Variants in UBR2 observed in about 807,000 individuals in gnomAD.
UBR2 encodes E3 ubiquitin-protein ligase UBR2.
In UBR2, 92 loss-of-function variants were observed where a neutral mutation model predicts 247.9. The observed-to-expected ratio is 0.37, with a 90% CI of 0.31 to 0.44. UBR2 has a LOEUF of 0.44. Among genes scored for constraint, UBR2 ranks in the 20% least tolerant of loss-of-function variants. The probability of loss-of-function intolerance (pLI) is 1.00; values close to 1 mark genes in which losing one functional copy is unlikely to be tolerated. For synonymous variants in UBR2, 672 were observed against 693.5 expected, an observed-to-expected ratio of 0.97 and a Z score of 0.49; for missense variants, 1,613 against 2,112.6, an observed-to-expected ratio of 0.76 and a Z score of 4.64.
intron 2 of UBR2, among the ~76,000 whole-genome samples, chr6:42,576,204 T>G (rs1310124779): frequency 6.6e-6 from 1 of 152,182 alleles, no homozygotes; most frequent in Non-Finnish European, 1.5e-5. Context: ...GTTATAACTC[T>G]CAGGCTGTCT....
chr6:42,647,651 T>G (rs899289128), intron 21 of UBR2, among the ~76,000 whole-genome samples: 2 of 152,068 alleles, frequency 1.3e-5, no homozygotes, highest in Non-Finnish European at 2.9e-5. Context: ...TTTAAAGAAT[T>G]ATTTATTCAC....
chr6:42,636,374 T>A (rs1282884644), intron 14 of UBR2, among the ~76,000 whole-genome samples: 1 of 152,054 alleles, frequency 6.6e-6, no homozygotes, highest in Non-Finnish European at 1.5e-5. Context: ...AGACAGGGCT[T>A]CGCCGTGTTA....
At chr6:42,642,374 C>A (rs1713197468) in intron 17 of UBR2, 42 bp from the exon 18 acceptor site, 6 of 1,381,066 alleles carry the variant, frequency 4.3e-6, no homozygotes, top group Non-Finnish European at 6.0e-6. Flanking sequence ...GAGCCTGAGC[C>A]AATAAAAACT....
At chr6:42,619,966 A>T in intron 11 of UBR2, 3 of 913,530 alleles carry the variant, frequency 3.3e-6, no homozygotes, top group Non-Finnish European at 3.9e-6. Flanking sequence ...TGCTGTAGTA[A>T]ACTTTTTATA....
intron 1 of UBR2, among the ~76,000 whole-genome samples, chr6:42,568,496 A>G (rs1356883979): frequency 6.6e-6 from 1 of 152,150 alleles, no homozygotes; most frequent in Non-Finnish European, 1.5e-5. Context: ...TTGGGAGGCC[A>G]AGGCAGGTAG....
chr6:42,605,828 C>T lies in UBR2; in HGVS notation c.770C>T (p.Ala257Val). 6.2e-7 allele frequency: 1 copy of T among 1,611,712 alleles called. No individual in the cohort carries two copies. Among genetic ancestry groups the T allele is most frequent in the Non-Finnish European group, 8.5e-7 (1 of 1,179,184 alleles). The change falls in exon 6 of 47, where the codon GCT (alanine) becomes GTT (valine). Residue 257 changes from alanine to valine, a missense_variant. Physicochemically the swap from Ala to Val is moderately conservative, Grantham distance 64. Around this residue, in one of 3 missense-constraint regions of UBR2, gnomAD observed 1,524 missense variants for 1,967.3 expected, o/e 0.77. Coordinates refer to ENST00000372901, the MANE Select transcript of UBR2 (RefSeq NM_001363705.2). ...QKAVNCTQKE[A>V]IGFATTVDRD... The stretch of plus-strand genomic sequence containing the variant: ...GCTGTTAACTGTACACAAAAAGAAG[C>T]TATTGGTTTTGCAACTACAGTAGAT...
At position 42,659,106 on chromosome 6, in the gene UBR2, T is replaced by C. The variant is rs1021427938; in HGVS notation, c.3242+282T>C. Reference sequence around the variant, plus strand: ...TCAGTTACCTAGAGCGTATGACATCTGTGTTGAAGATTAGATTACTGTGAG... The same window carrying C: ...TCAGTTACCTAGAGCGTATGACATCCGTGTTGAAGATTAGATTACTGTGAG... On this transcript the variant is annotated intron_variant, in intron 29 of 46. Transcript: ENST00000372901. This position sits in a 1 kb window ranked among gnomAD's most constrained non-coding sequence, Gnocchi z 4.3. Among the ~76,000 whole-genome samples the C allele has an allele frequency of 2.6e-5, 4 of 152,176 alleles. No homozygotes were observed. The highest frequency in any genetic ancestry group is 2.6e-4 in the Admixed American group (4 of 15,268).
At chr6:42,633,128 A>G (rs1269100661) in intron 13 of UBR2, among the ~76,000 whole-genome samples, 4 of 151,264 alleles carry the variant, frequency 2.6e-5, no homozygotes, top group Admixed American at 2.0e-4. Flanking sequence ...GTTGCCTGGG[A>G]CTAGAGGCGC....
Position 42,658,009 on chromosome 6 carries a change from A to G in UBR2, c.2873-15A>G, listed in dbSNP as rs1416237135. 1 of 1,591,538 alleles carries G rather than the reference A, an allele frequency of 6.3e-7. No homozygotes were observed. ...ATTAGCTATTGTTATTGTGCCTTTTATTTTTCTGCCGTAGAACCTGGTGAA... is the reference window on the plus strand; with the variant it reads ...ATTAGCTATTGTTATTGTGCCTTTTGTTTTTCTGCCGTAGAACCTGGTGAA... On this transcript the variant is annotated splice_polypyrimidine_tract_variant and intron_variant, in intron 26 of 46. Transcript: ENST00000372901.
At chr6:42,627,384 G>A (rs890192154) in intron 11 of UBR2, among the ~76,000 whole-genome samples, 3 of 152,286 alleles carry the variant, frequency 2.0e-5, no homozygotes, top group African/African-American at 7.2e-5. Flanking sequence ...TGACTTCTGA[G>A]CCATAATTTC....
rs867705639 is a variant in UBR2, at chr6:42,659,433, G to A, written c.3243-223G>A. Among the ~76,000 whole-genome samples the A allele has an allele frequency of 6.6e-6, 1 of 151,626 alleles. No homozygotes were observed. Among genetic ancestry groups the A allele is most frequent in the African/African-American group, 2.4e-5 (1 of 41,238 alleles). The stretch of plus-strand genomic sequence containing the variant: ...GGAGAATTGCTTGAACCTGCGAGGC[G>A]GAGGTTGCAGTGAGCCAAGATTGTG... On this transcript the variant is annotated intron_variant, in intron 29 of 46. Transcript: ENST00000372901. The surrounding 1 kb of genome is among the most constrained non-coding windows in gnomAD (Gnocchi z 4.3).
chr6:42,597,323 G>A (rs746464846), intron 4 of UBR2, among the ~76,000 whole-genome samples: 38 of 152,144 alleles, frequency 2.5e-4, no homozygotes, highest in African/African-American at 6.7e-4. Context: ...AAGGCCAGGC[G>A]CGGTGACTCA....
At chr6:42,614,344 GTA>G (rs1562311622) in intron 8 of UBR2, among the ~76,000 whole-genome samples, 5 of 24,078 alleles carry the variant, frequency 2.1e-4, no homozygotes, top group African/African-American at 6.3e-4. Flanking sequence ...GTGTATGTGT[GTA>G]TGTATGTGTG....
At chr6:42,653,181 T>G (rs993891356) in intron 25 of UBR2, among the ~76,000 whole-genome samples, 7 of 152,196 alleles carry the variant, frequency 4.6e-5, no homozygotes, top group African/African-American at 1.7e-4. Context: ...GCCTCCTGGG[T>G]TCAAGTGATC....
At chr6:42,648,928 T>C (rs1796939956) in intron 22 of UBR2, among the ~76,000 whole-genome samples, 2 of 152,190 alleles carry the variant, frequency 1.3e-5, no homozygotes, top group African/African-American at 2.4e-5. Flanking sequence ...TTTCCATGTA[T>C]TTGTGTCTTT....
intron 11 of UBR2, among the ~76,000 whole-genome samples, chr6:42,621,331 A>ATGTG (rs1562321078): frequency 6.6e-6 from 1 of 152,270 alleles, no homozygotes; most frequent in Non-Finnish European, 1.5e-5. Flanking sequence ...AGACCTTTAT[A>ATGTG]TGTGTGTGTC....
In UBR2 at chr6:42,636,186, T is replaced by G. The variant is rs868292197; in HGVS notation, c.1674+640T>G. Among the ~76,000 whole-genome samples, 41 of 148,486 alleles carry G rather than the reference T, an allele frequency of 2.8e-4. 1 individual carries two copies. In the South Asian group the frequency reaches 8.7e-3, roughly 31 times the overall value. On this transcript the variant is annotated intron_variant, in intron 14 of 46. Transcript: ENST00000372901. ...GCCATGGTTGTTTTTTTTTTTGTTT[T>G]TTTTTTTTTTGAGACACAGCTTACT...
chr6:42,681,613 G>A (rs954636897), intron 42 of UBR2, among the ~76,000 whole-genome samples: 3 of 152,106 alleles, frequency 2.0e-5, no homozygotes, highest in African/African-American at 7.2e-5. Context: ...TTACAAGGAT[G>A]TGGAAAAACT....
In UBR2 at chr6:42,564,216, G is replaced by T; in HGVS notation, c.-104G>T. On this transcript the variant is annotated 5_prime_UTR_variant, in exon 1 of 47. Coordinates refer to ENST00000372901, the MANE Select transcript of UBR2 (RefSeq NM_001363705.2). ...CACCTGCAGCCACTTGGACGGCTCCGGGACTGATTGCCTGGGGCAGGGGTG... is the reference window on the plus strand; with the variant it reads ...CACCTGCAGCCACTTGGACGGCTCCTGGACTGATTGCCTGGGGCAGGGGTG... 1 of 1,345,342 alleles carries T rather than the reference G, an allele frequency of 7.4e-7. No individual in the cohort carries two copies. The highest frequency in any genetic ancestry group is 2.5e-5 in the East Asian group (1 of 39,708). 83.3% of individuals were successfully genotyped at this position (1,345,342 alleles called of 1,614,324 possible).
Sources: allele counts gnomAD v4.1 joint callset (sites outside exome capture counted in the v4.1 genomes callset), GRCh38; gene constraint gnomAD v4.1.1; regional missense constraint gnomAD v4.1.1; non-coding constraint Gnocchi (gnomAD v3.1); transcripts MANE v1.5; gene names NCBI Gene and HGNC (gene_info 2026-07-23, HGNC 2026-07-21).